TBXAS1: variants seen among roughly 807,000 people sequenced by gnomAD.
TBXAS1 encodes the protein thromboxane A synthase 1.
In TBXAS1, 48 loss-of-function variants were observed where a neutral mutation model predicts 60.7. The observed-to-expected ratio is 0.79, with a 90% confidence interval of 0.63 to 1.01. TBXAS1 has a LOEUF of 1.01. TBXAS1 is among the 50% of genes least tolerant of loss of function. The pLI, the probability that TBXAS1 is intolerant of heterozygous loss-of-function variation, is 0.00. For missense variants in TBXAS1, 685 were observed against 686.3 expected, an observed-to-expected ratio of 1.00 and a Z score of 0.02; for synonymous variants, 287 against 269.7, an observed-to-expected ratio of 1.06 and a Z score of -0.63.
At chr7:139,965,022 C>A (rs1810672474) in intron 9 of TBXAS1, among the ~76,000 whole-genome samples, 1 of 152,184 alleles carries the variant, frequency 6.6e-6, no homozygotes, top group South Asian at 2.1e-4. Context: ...AGTTCAAGAC[C>A]AGCCTGACCA....
At chr7:140,014,467 C>A (rs552542117) in intron 10 of TBXAS1, among the ~76,000 whole-genome samples, 1 of 151,972 alleles carries the variant, frequency 6.6e-6, no homozygotes, top group Admixed American at 6.6e-5. Context: ...GGAGGGCAGA[C>A]GAAATCCCTG....
At chr7:139,934,677 T>C (rs1807603745) in intron 4 of TBXAS1, among the ~76,000 whole-genome samples, 1 of 152,210 alleles carries the variant, frequency 6.6e-6, no homozygotes, top group Non-Finnish European at 1.5e-5. Flanking sequence ...CCTCTCTCTT[T>C]GGCTTGTGCA....
At chr7:139,862,654 G>A (rs577960238) in intron 1 of TBXAS1, among the ~76,000 whole-genome samples, 18 of 152,302 alleles carry the variant, frequency 1.2e-4, no homozygotes, top group African/African-American at 3.9e-4. Flanking sequence ...TATGCTGATA[G>A]GAATGATCCA....
chr7:140,015,426 G>A (rs1384099160), intron 10 of TBXAS1, among the ~76,000 whole-genome samples: 1 of 152,194 alleles, frequency 6.6e-6, no homozygotes, highest in Non-Finnish European at 1.5e-5. Context: ...CACAAGAGGG[G>A]CCCTTTGTGC....
chr7:140,015,739 G>T lies in TBXAS1; in HGVS notation c.1243G>T (p.Ala415Ser). 1 of 1,613,390 alleles carries T rather than the reference G, an allele frequency of 6.2e-7. No individual in the cohort carries two copies. Among genetic ancestry groups the T allele is most frequent in the Non-Finnish European group, 8.5e-7 (1 of 1,180,038 alleles). Reference protein sequence around the residue: ...PPAFRFTREAAQDCEVLGQRI... With the variant: ...PPAFRFTREASQDCEVLGQRI... ...TTCCCTCAGATTCACACGGGAGGCA[G>T]CTCAGGACTGCGAGGTGCTGGGGCA... Residue 415 changes from alanine to serine, a missense_variant, in exon 11 of 13, where the codon GCT becomes TCT. Ala to Ser is a moderately conservative substitution (Grantham distance 99). Coordinates refer to ENST00000448866, the MANE Select transcript of TBXAS1 (RefSeq NM_001061.7).
chr7:139,936,495 C>G (rs1396577152), intron 5 of TBXAS1, among the ~76,000 whole-genome samples, 188 bp downstream of exon 5: 2 of 152,226 alleles, frequency 1.3e-5, no homozygotes, highest in Admixed American at 6.5e-5. Context: ...TCTTTCGTCT[C>G]TCCAGCCTCC....
chr7:139,893,725 C>A (rs1357814742), intron 3 of TBXAS1, among the ~76,000 whole-genome samples: 1 of 152,196 alleles, frequency 6.6e-6, no homozygotes, highest in Non-Finnish European at 1.5e-5. Context: ...CTTAATTACT[C>A]TTTTTTTATT....
intron 4 of TBXAS1, among the ~76,000 whole-genome samples, chr7:139,929,827 T>C (rs1268093232): frequency 6.6e-6 from 1 of 152,118 alleles, no homozygotes; most frequent in East Asian, 1.9e-4. Context: ...CCACCCCCGC[T>C]CTCTCCTGGC....
At chr7:140,017,392 T>C (rs888069551) in intron 11 of TBXAS1, among the ~76,000 whole-genome samples, 2 of 152,146 alleles carry the variant, frequency 1.3e-5, no homozygotes, top group African/African-American at 4.8e-5. Context: ...GGTGAGTCTG[T>C]GGGCTTATTA....
chr7:139,851,202 A>C (rs541568324), intron 1 of TBXAS1, among the ~76,000 whole-genome samples: 3 of 152,178 alleles, frequency 2.0e-5, no homozygotes, highest in Admixed American at 2.0e-4. Context: ...AATAATCTTC[A>C]CTTGACAGAC....
intron 2 of TBXAS1, among the ~76,000 whole-genome samples, chr7:139,873,989 G>T (rs889161538): frequency 6.6e-6 from 1 of 152,098 alleles, no homozygotes. Context: ...AGATAGAAAA[G>T]AAAGCTGCTC....
chr7:139,981,822 A>G (rs1812001054), intron 9 of TBXAS1, among the ~76,000 whole-genome samples: 1 of 152,238 alleles, frequency 6.6e-6, no homozygotes, highest in Non-Finnish European at 1.5e-5. Context: ...AGGCGAGCCA[A>G]AGGTGTCAGT....
At chr7:139,886,280 C>T (rs1051603772) in intron 3 of TBXAS1, among the ~76,000 whole-genome samples, 1 of 152,100 alleles carries the variant, frequency 6.6e-6, no homozygotes, top group African/African-American at 2.4e-5. Flanking sequence ...TTTTTCCACC[C>T]TGAGTAAGGC....
intron 9 of TBXAS1, among the ~76,000 whole-genome samples, chr7:139,989,412 G>T (rs556978662): frequency 5.9e-5 from 9 of 152,352 alleles, no homozygotes; most frequent in African/African-American, 1.9e-4. Flanking sequence ...CCAAGCCTAA[G>T]GAAAACAACA....
chr7:139,781,605 G>T (rs925891852), intron 2 of TBXAS1, among the ~76,000 whole-genome samples: 2 of 151,968 alleles, frequency 1.3e-5, no homozygotes, highest in Admixed American at 6.5e-5. Context: ...GCTGAGGCAG[G>T]CAGATCACCT....
At chr7:139,826,913 T>C (rs79200528), upstream of TBXAS1, among the ~76,000 whole-genome samples, 13,946 of 152,150 alleles carry the variant, frequency 0.092, 745 homozygotes, top group Non-Finnish European at 0.12. Flanking sequence ...TACCTCACCT[T>C]TCCCAGACTC....
intron 8 of TBXAS1, 108 bp downstream of exon 8, chr7:139,957,872 G>A (rs1584952125): frequency 6.7e-6 from 10 of 1,501,010 alleles, no homozygotes; most frequent in East Asian, 4.8e-5. Flanking sequence ...ACACCGTGCC[G>A]TCCTTCAGCA....
At chr7:139,905,023 C>CTT in intron 3 of TBXAS1, among the ~76,000 whole-genome samples, 1 of 78,712 alleles carries the variant, frequency 1.3e-5, no homozygotes, top group South Asian at 4.9e-4. Context: ...TTCTTTCTTT[C>CTT]TTTCTTTCTT....
chr7:139,810,184 G>A (rs750003235), intron 4 of TBXAS1, among the ~76,000 whole-genome samples: 10 of 151,990 alleles, frequency 6.6e-5, no homozygotes, highest in Admixed American at 2.6e-4. Context: ...TTACAGGCAT[G>A]AGCCACCAAT....
Sources: allele counts gnomAD v4.1 joint callset (sites outside exome capture counted in the v4.1 genomes callset), GRCh38; gene constraint gnomAD v4.1.1; transcripts MANE v1.5; gene names NCBI Gene and HGNC (gene_info 2026-07-23, HGNC 2026-07-21).